TMEM108: variants seen among roughly 807,000 people sequenced by gnomAD.
TMEM108 encodes the protein cancer/testis antigen 124.
A neutral mutation model predicts 35.1 loss-of-function variants in TMEM108; 12 were observed. The ratio of observed to expected loss-of-function variants is 0.34; its 90% CI spans 0.22 to 0.55. The LOEUF (loss-of-function observed/expected upper bound fraction) is 0.55, where lower values mean the gene tolerates loss of function less well. Ranked by LOEUF, TMEM108 falls within the 20% of genes least tolerant of loss-of-function variation. The pLI, the probability that TMEM108 is intolerant of heterozygous loss-of-function variation, is 0.89. For missense variants in TMEM108, 680 were observed against 753.3 expected (o/e 0.90, Z 1.14); for synonymous variants, 287 against 308.6 (o/e 0.93, Z 0.73).
intron 2 of TMEM108, among the ~76,000 whole-genome samples, chr3:133,176,989 C>G (rs1262857107): frequency 2.0e-5 from 3 of 152,088 alleles, no homozygotes; most frequent in African/African-American, 7.2e-5. Flanking sequence ...GGGATATCAC[C>G]ACCAATCCCA....
At chr3:133,323,562 G>A (rs982009372) in intron 3 of TMEM108, among the ~76,000 whole-genome samples, 2 of 152,134 alleles carry the variant, frequency 1.3e-5, no homozygotes, top group African/African-American at 4.8e-5. Context: ...CATGCTCATG[G>A]ATGGGTACAA....
chr3:133,137,983 C>T (rs751922066), intron 2 of TMEM108, among the ~76,000 whole-genome samples: 2 of 152,158 alleles, frequency 1.3e-5, no homozygotes, highest in Non-Finnish European at 2.9e-5. Context: ...GGCTTGAGAA[C>T]ATGAATGGAT....
At chr3:133,050,358 GTT>G (rs1943389048) in intron 2 of TMEM108, among the ~76,000 whole-genome samples, 1 of 152,020 alleles carries the variant, frequency 6.6e-6, no homozygotes, top group South Asian at 2.1e-4. Context: ...TATTTGAACA[GTT>G]TTAAGTTCAA....
intron 3 of TMEM108, among the ~76,000 whole-genome samples, chr3:133,292,493 C>T (rs1947084771): frequency 6.6e-6 from 1 of 152,132 alleles, no homozygotes; most frequent in African/African-American, 2.4e-5. Flanking sequence ...AGCTTTGGCA[C>T]TGATTGTCAT....
At chr3:133,286,849 T>TA (rs1946992789) in intron 3 of TMEM108, among the ~76,000 whole-genome samples, 2 of 152,180 alleles carry the variant, frequency 1.3e-5, no homozygotes, top group Admixed American at 6.5e-5. Flanking sequence ...CCTTAGTAAC[T>TA]AAAAAAACTT....
intron 3 of TMEM108, among the ~76,000 whole-genome samples, chr3:133,336,911 A>G (rs1413835424): frequency 6.6e-6 from 1 of 152,154 alleles, no homozygotes; most frequent in Non-Finnish European, 1.5e-5. Flanking sequence ...GTAGACTGGC[A>G]GTACTCCCCT....
chr3:133,363,276 C>T (rs897186681), intron 3 of TMEM108, among the ~76,000 whole-genome samples: 4 of 152,178 alleles, frequency 2.6e-5, no homozygotes, highest in African/African-American at 7.2e-5. Context: ...CTAATTCAGT[C>T]CATCTGGAAC....
intron 2 of TMEM108, among the ~76,000 whole-genome samples, chr3:133,135,301 A>C (rs1385390321): frequency 2.0e-5 from 3 of 152,218 alleles, no homozygotes; most frequent in African/African-American, 7.2e-5. Context: ...ATGTAATTGC[A>C]ATGTAAACTA....
intron 4 of TMEM108, among the ~76,000 whole-genome samples, chr3:133,383,731 C>T (rs1300615263): frequency 6.6e-6 from 1 of 152,202 alleles, no homozygotes. Context: ...ATTCTTCTGG[C>T]ACCCTGAAAG....
At chr3:133,059,097 C>A (rs562952792) in intron 2 of TMEM108, among the ~76,000 whole-genome samples, 1 of 152,168 alleles carries the variant, frequency 6.6e-6, no homozygotes, top group Admixed American at 6.5e-5. Context: ...GAAAAGACAG[C>A]GGACTGGCTT....
At chr3:133,256,435 C>T (rs180807636) in intron 3 of TMEM108, among the ~76,000 whole-genome samples, 27 of 152,258 alleles carry the variant, frequency 1.8e-4, no homozygotes, top group African/African-American at 6.5e-4. Flanking sequence ...CCCAAGCAAA[C>T]ATTTTCTGTA....
intron 5 of TMEM108, among the ~76,000 whole-genome samples, chr3:133,395,518 G>A (rs1358301532): frequency 6.6e-6 from 1 of 152,230 alleles, no homozygotes; most frequent in African/African-American, 2.4e-5. Context: ...CACTGTATGT[G>A]TGTCATGCAT....
chr3:133,182,518 C>T (rs913956534), intron 2 of TMEM108, among the ~76,000 whole-genome samples: 7 of 152,180 alleles, frequency 4.6e-5, no homozygotes, highest in Non-Finnish European at 1.0e-4. Flanking sequence ...ATACTGATGT[C>T]ACGTTGAGGT....
At chr3:133,083,574 A>T (rs1208928638) in intron 2 of TMEM108, among the ~76,000 whole-genome samples, 2 of 152,146 alleles carry the variant, frequency 1.3e-5, no homozygotes, top group African/African-American at 4.8e-5. Flanking sequence ...TATCTCATAT[A>T]GTTCTTTGTT....
intron 5 of TMEM108, among the ~76,000 whole-genome samples, chr3:133,393,719 G>A (rs752013113): frequency 1.3e-5 from 2 of 152,204 alleles, no homozygotes; most frequent in African/African-American, 4.8e-5. Context: ...CCTACTTTAG[G>A]TATGGGCTGT....
intron 3 of TMEM108, among the ~76,000 whole-genome samples, chr3:133,314,978 T>A (rs1219552084): frequency 2.0e-5 from 3 of 152,194 alleles, no homozygotes; most frequent in Non-Finnish European, 4.4e-5. Flanking sequence ...GGCATCACCA[T>A]CCACTGACTG....
At chr3:133,243,534 T>TG (rs931719412) in intron 3 of TMEM108, among the ~76,000 whole-genome samples, 1 of 92,010 alleles carries the variant, frequency 1.1e-5, no homozygotes, top group African/African-American at 4.1e-5. Context: ...GGGCGGGGGG[T>TG]GGGGGGGACG....
At chr3:133,291,780 A>C (rs1376316445) in intron 3 of TMEM108, among the ~76,000 whole-genome samples, 3 of 152,048 alleles carry the variant, frequency 2.0e-5, no homozygotes, top group Non-Finnish European at 2.9e-5. Context: ...AGGGTTCCTC[A>C]AGGTACCTGG....
Position 133,172,465 on chromosome 3 carries a change from A to G in TMEM108, c.-46-56801A>G, listed in dbSNP as rs536836187. Among the ~76,000 whole-genome samples, 3 of 152,366 alleles carry G rather than the reference A, an allele frequency of 2.0e-5. No individual in the cohort carries two copies. The East Asian group carries it at 5.8e-4, about 29-fold the overall frequency. On this transcript the variant is annotated intron_variant, in intron 2 of 5. Coordinates refer to ENST00000321871, the MANE Select transcript of TMEM108 (RefSeq NM_023943.4). The stretch of plus-strand genomic sequence containing the variant: ...TTTGGCTAATAAAGGAAATAAAATG[A>G]AGCCCTGAAATAGATTTTTTAAATT...
Sources: allele counts gnomAD v4.1 joint callset (sites outside exome capture counted in the v4.1 genomes callset), GRCh38; gene constraint gnomAD v4.1.1; transcripts MANE v1.5; gene names NCBI Gene and HGNC (gene_info 2026-07-23, HGNC 2026-07-21).